USP2: variants seen among roughly 807,000 people sequenced by gnomAD.
USP2 encodes ubiquitin carboxyl-terminal hydrolase 2.
USP2 carries 33 observed loss-of-function variants against 72.0 expected under a neutral mutation model. That is an observed-to-expected ratio of 0.46 (90% CI 0.35 to 0.61). The LOEUF (loss-of-function observed/expected upper bound fraction) is 0.61, where lower values mean the gene tolerates loss of function less well. Ranked by LOEUF, USP2 falls within the 20% of genes least tolerant of loss-of-function variation. USP2 has a pLI of 0.01. For missense variants in USP2, 691 were observed against 797.8 expected (o/e 0.87, Z 1.61); for synonymous variants, 296 against 312.5 (o/e 0.95, Z 0.56).
chr11:119,364,172 A>G (rs1413556432), intron 2 of USP2: 4 of 1,195,934 alleles, frequency 3.3e-6, no homozygotes, highest in African/African-American at 3.2e-5. Flanking sequence ...GTGCGCCGCC[A>G]ACAGCCCGGG....
intron 2 of USP2, among the ~76,000 whole-genome samples, chr11:119,366,935 C>T (rs1950861161): frequency 6.6e-6 from 1 of 152,194 alleles, no homozygotes; most frequent in African/African-American, 2.4e-5. Context: ...GGGCCAGATG[C>T]AGAAAGCTTT....
rs146943763 is a variant in USP2, at chr11:119,373,210, G to A, written c.271C>T (p.Arg91Trp). ...LRPDITGGGKRAESQTRGTER... is the reference protein window; with the variant it reads ...LRPDITGGGKWAESQTRGTER... ...GTACCCCGGGTCTGGCTCTCTGCCC[G>A]CTTACCACCCCCAGTGATGTCGGGT... Residue 91 changes from arginine to tryptophan, a missense_variant, in exon 2 of 13, where the codon CGG becomes TGG. Transcript: ENST00000260187. 279 of 1,613,976 alleles carry A rather than the reference G, an allele frequency of 1.7e-4. No homozygotes were observed. The East Asian group carries it at 5.9e-3, about 34-fold the overall frequency.
At chr11:119,372,491 GGC>G (rs1950941573) in intron 2 of USP2, among the ~76,000 whole-genome samples, 1 of 152,218 alleles carries the variant, frequency 6.6e-6, no homozygotes, top group Non-Finnish European at 1.5e-5. Context: ...CGAGTGCGCG[GGC>G]CCTGAGTGGG....
Position 119,373,274 on chromosome 11 carries a change from G to A in USP2, c.207C>T (p.Ser69=), listed in dbSNP as rs1565312756. The change falls in exon 2 of 13, where the codon TCC becomes TCT. Residue 69 remains serine, a synonymous_variant. Transcript: ENST00000260187. The part of the protein sequence containing the change: ...FLTRPRTYGP[S]SLLDYDRGRP... ...GGCCCCGGTCATAGTCCAGGAGGGA[G>A]GAGGGGCCATAGGTACGGGGACGGG... is the stretch of plus-strand genomic sequence containing the variant. 1.2e-6 allele frequency: 2 copies of A among 1,613,974 alleles called. No individual in the cohort carries two copies. Among genetic ancestry groups the A allele is most frequent in the Non-Finnish European group, 1.7e-6 (2 of 1,179,910 alleles).
rs1178324783 is a variant in USP2 at position 119,363,731 on chromosome 11, G to A, written c.775-3497C>T. Reference sequence around the variant, plus strand: ...CTTGCCAGGAGACCCTGGGAAAGGAGGGGTGGGGGCTGGGAAGAATCCGTC... The same window carrying A: ...CTTGCCAGGAGACCCTGGGAAAGGAAGGGTGGGGGCTGGGAAGAATCCGTC... On this transcript the variant is annotated intron_variant, in intron 2 of 12. Coordinates refer to ENST00000260187, the MANE Select transcript of USP2 (RefSeq NM_004205.5). 3 of 707,514 alleles carry A rather than the reference G, an allele frequency of 4.2e-6. No homozygotes were observed. The East Asian group carries it at 1.0e-4, about 24-fold the overall frequency. The allele number at this position is 707,514 out of a possible 1,614,324, so 43.8% of individuals were successfully genotyped here.
chr11:119,360,330 G>A (rs1233128655), intron 2 of USP2, 96 bp from the exon 3 acceptor site: 1 of 1,232,186 alleles, frequency 8.1e-7, no homozygotes, highest in East Asian at 2.4e-5. Context: ...GGAGCCACAG[G>A]CAGCAGGCCA....
At position 119,356,905 on chromosome 11, in the gene USP2, G is replaced by T; in HGVS notation, c.1748C>A (p.Ser583Tyr). The change falls in exon 13 of 13, where the codon TCC becomes TAC. Residue 583 changes from serine to tyrosine, a missense_variant. By Grantham distance (144) the Ser-to-Tyr change is moderately radical. Coordinates refer to ENST00000260187, the MANE Select transcript of USP2 (RefSeq NM_004205.5). Reference protein sequence around the residue: ...FNDSSVTPMSSSQVRTSDAYL... With the variant: ...FNDSSVTPMSYSQVRTSDAYL... Reference sequence around the variant, plus strand: ...GGCGTCGCTGGTGCGCACTTGGCTGGAGGACATGGGAGTGACGCTGCGGAG... The same window carrying T: ...GGCGTCGCTGGTGCGCACTTGGCTGTAGGACATGGGAGTGACGCTGCGGAG... 1.9e-6 allele frequency: 3 copies of T among 1,561,488 alleles called. No individual in the cohort carries two copies. The highest frequency in any genetic ancestry group is 2.6e-6 in the Non-Finnish European group (3 of 1,153,328).
intron 1 of USP2, among the ~76,000 whole-genome samples, chr11:119,379,965 A>C (rs1379334168): frequency 8.1e-6 from 1 of 124,090 alleles, no homozygotes; most frequent in Non-Finnish European, 1.6e-5. Flanking sequence ...CCCAGGCTGC[A>C]GTGCAGTGGC....
At chr11:119,376,263 G>A (rs1334779255) in intron 1 of USP2, 23 of 985,686 alleles carry the variant, frequency 2.3e-5, no homozygotes, top group Non-Finnish European at 2.8e-5. Context: ...TGCACTATGG[G>A]CAGGAGAGCG....
chr11:119,357,255 C>T lies in USP2; in HGVS notation c.1662G>A (p.Met554Ile). ...YAVSNHSGTT[M>I]GGHYTAYCRS... ...GACAGTAGGCTGTATAGTGGCCACC[C>T]ATGGTGGTTCCGGAGTGATTGGACA... The change falls in exon 12 of 13, where the codon ATG becomes ATA. Residue 554 changes from methionine (M) to isoleucine (I), a missense_variant. Physicochemically the swap from Met to Ile is conservative, Grantham distance 10 (BLOSUM62 1). Transcript: ENST00000260187. The T allele has an allele frequency of 6.2e-7, 1 of 1,613,648 alleles. No individual in the cohort carries two copies. The highest frequency in any genetic ancestry group is 1.1e-5 in the South Asian group (1 of 91,062).
chr11:119,375,455 C>T (rs1406844471), intron 1 of USP2, among the ~76,000 whole-genome samples: 1 of 152,210 alleles, frequency 6.6e-6, no homozygotes, highest in Non-Finnish European at 1.5e-5. Context: ...CCTTCATGTA[C>T]ACTCCTTTGC....
intron 2 of USP2, among the ~76,000 whole-genome samples, chr11:119,372,398 A>C (rs950546833): frequency 6.6e-6 from 1 of 152,238 alleles, no homozygotes; most frequent in Non-Finnish European, 1.5e-5. Flanking sequence ...AGACACTGGC[A>C]TGTCACATAG....
At chr11:119,369,281 C>G (rs1386270735) in intron 2 of USP2, among the ~76,000 whole-genome samples, 1 of 152,066 alleles carries the variant, frequency 6.6e-6, no homozygotes, top group African/African-American at 2.4e-5. Context: ...ATGTGGCGCC[C>G]CCTGCCACCC....
intron 2 of USP2, chr11:119,363,870 C>A: frequency 7.0e-7 from 1 of 1,422,818 alleles, no homozygotes; most frequent in Non-Finnish European, 9.3e-7. Context: ...TGAGCAGGAG[C>A]CCCACGAAGG....
At chr11:119,377,733 C>A (rs898862174) in intron 1 of USP2, among the ~76,000 whole-genome samples, 1 of 152,142 alleles carries the variant, frequency 6.6e-6, no homozygotes, top group African/African-American at 2.4e-5. Context: ...ACCCTGTCCC[C>A]GTGGGGCAGC....
intron 2 of USP2, among the ~76,000 whole-genome samples, chr11:119,363,606 C>A (rs571376619): frequency 1.5e-4 from 22 of 148,372 alleles, no homozygotes; most frequent in African/African-American, 5.5e-4. Flanking sequence ...CACCTGGTGC[C>A]GGGGCCACCG....
chr11:119,367,353 G>A (rs576597844), intron 2 of USP2, among the ~76,000 whole-genome samples: 2 of 152,362 alleles, frequency 1.3e-5, no homozygotes, highest in Non-Finnish European at 2.9e-5. Flanking sequence ...AGCTCTATGA[G>A]GGCGGGGACT....
chr11:119,366,948 C>T (rs1459995129), intron 2 of USP2, among the ~76,000 whole-genome samples: 1 of 152,126 alleles, frequency 6.6e-6, no homozygotes, highest in Non-Finnish European at 1.5e-5. Context: ...AAAGCTTTAG[C>T]GTGGGAGCAC....
chr11:119,359,529 C>G lies in USP2; in HGVS notation c.949+8G>C. The G allele has an allele frequency of 6.2e-7, 1 of 1,613,566 alleles. No homozygotes were observed. Among genetic ancestry groups the G allele is most frequent in the Non-Finnish European group, 8.5e-7 (1 of 1,179,968 alleles). On this transcript the variant is annotated splice_region_variant and intron_variant, in intron 4 of 12. Transcript: ENST00000260187. ...GTAGGCAGGGGCACATGACAGAGGGCCTCTCACCTTCCACGAGGGCTGTGT... is the reference window on the plus strand; with the variant it reads ...GTAGGCAGGGGCACATGACAGAGGGGCTCTCACCTTCCACGAGGGCTGTGT...
Sources: allele counts gnomAD v4.1 joint callset (sites outside exome capture counted in the v4.1 genomes callset), GRCh38; gene constraint gnomAD v4.1.1; transcripts MANE v1.5; gene names NCBI Gene and HGNC (gene_info 2026-07-23, HGNC 2026-07-21).